Variants in ACVR1C observed in about 807,000 individuals in gnomAD.
The protein encoded by ACVR1C is activin receptor type-1C.
A neutral mutation model predicts 57.9 loss-of-function variants in ACVR1C; 23 were observed. That is an observed-to-expected ratio of 0.40 (90% CI 0.29 to 0.56). The LOEUF (loss-of-function observed/expected upper bound fraction) is 0.56. Ranked by LOEUF, ACVR1C falls within the 20% of genes least tolerant of loss-of-function variation. ACVR1C has a pLI of 0.50. For missense variants in ACVR1C, 480 were observed against 607.9 expected (o/e 0.79, Z 2.21); for synonymous variants, 214 against 215.3 (o/e 0.99, Z 0.05).
At chr2:157,587,048 T>C in intron 2 of ACVR1C, 139 bp downstream of exon 2, 1 of 794,554 alleles carries the variant, frequency 1.3e-6, no homozygotes, top group Non-Finnish European at 1.9e-6. Context: ...TCTAGAGAAT[T>C]TTACCAGCCA....
At chr2:157,607,445 A>T (rs926860696) in intron 1 of ACVR1C, among the ~76,000 whole-genome samples, 1 of 151,474 alleles carries the variant, frequency 6.6e-6, no homozygotes, top group Non-Finnish European at 1.5e-5. Context: ...TGTTTTGGTT[A>T]TCTGGGCTCT....
chr2:157,554,351 AAG>A (rs1241163394), intron 3 of ACVR1C, among the ~76,000 whole-genome samples: 5 of 137,638 alleles, frequency 3.6e-5, no homozygotes, highest in Non-Finnish European at 6.0e-5. Flanking sequence ...GAAAGAAAGA[AAG>A]AGAAAGAAAG....
rs1687302365 is a variant in ACVR1C at position 157,529,162 on chromosome 2, C to T, written c.*4756G>A. On this transcript the variant is annotated 3_prime_UTR_variant, in exon 9 of 9. Coordinates refer to ENST00000243349, the MANE Select transcript of ACVR1C (RefSeq NM_145259.3). ...CACCTTTCACCCCCATTCCAAGGTACAAAGAGAAAGAACAGTCCTTACAGA... is the reference window on the plus strand; with the variant it reads ...CACCTTTCACCCCCATTCCAAGGTATAAAGAGAAAGAACAGTCCTTACAGA... The T allele has an allele frequency of 6.6e-6, 1 of 152,066 alleles. No homozygotes were observed. The highest frequency in any genetic ancestry group is 1.5e-5 in the Non-Finnish European group (1 of 67,994). The allele number at this position is 152,066 out of a possible 1,614,324, so 9.4% of individuals were successfully genotyped here. A position where few individuals can be genotyped will look rare whatever the true frequency, so the allele number is the denominator to read the frequency against.
intron 1 of ACVR1C, among the ~76,000 whole-genome samples, chr2:157,588,406 A>G (rs1688978330): frequency 6.6e-6 from 1 of 152,022 alleles, no homozygotes. Context: ...AAATAGTATA[A>G]TACTAAATAA....
chr2:157,624,167 C>G (rs1682847899), intron 1 of ACVR1C, among the ~76,000 whole-genome samples: 1 of 152,134 alleles, frequency 6.6e-6, no homozygotes, highest in Non-Finnish European at 1.5e-5. Context: ...TAAGCTAGAG[C>G]AGGAACTAAA....
intron 1 of ACVR1C, among the ~76,000 whole-genome samples, chr2:157,625,172 T>C (rs1257338846): frequency 6.6e-6 from 1 of 152,162 alleles, no homozygotes; most frequent in Non-Finnish European, 1.5e-5. Flanking sequence ...ACTCAACATA[T>C]TCAAAACTGA....
At chr2:157,582,275 T>C (rs900097796) in intron 2 of ACVR1C, among the ~76,000 whole-genome samples, 31 of 152,304 alleles carry the variant, frequency 2.0e-4, no homozygotes, top group African/African-American at 7.2e-4. Flanking sequence ...CAGTGAGCCA[T>C]GGAGCAAGAC....
intron 1 of ACVR1C, among the ~76,000 whole-genome samples, chr2:157,616,700 A>G (rs1293530960): frequency 6.6e-6 from 1 of 152,132 alleles, no homozygotes; most frequent in African/African-American, 2.4e-5. Flanking sequence ...GGGTAAAGAG[A>G]GAAGCATGAA....
intron 2 of ACVR1C, among the ~76,000 whole-genome samples, chr2:157,570,458 G>C (rs1350421947): frequency 1.2e-5 from 1 of 80,762 alleles, no homozygotes; most frequent in Non-Finnish European, 2.5e-5. Flanking sequence ...TGTATATCTA[G>C]AAAACCCCAT....
chr2:157,563,824 C>A (rs1179834461), intron 2 of ACVR1C, among the ~76,000 whole-genome samples: 1 of 152,176 alleles, frequency 6.6e-6, no homozygotes, highest in South Asian at 2.1e-4. Flanking sequence ...ACATCTACAA[C>A]CATCTGATCT....
At chr2:157,566,345 T>C (rs1337030188) in intron 2 of ACVR1C, among the ~76,000 whole-genome samples, 5 of 152,034 alleles carry the variant, frequency 3.3e-5, no homozygotes, top group African/African-American at 4.8e-5. Context: ...TGCTAGCTAG[T>C]GGGAATGTGG....
chr2:157,557,028 C>A (rs1688121335), intron 2 of ACVR1C, among the ~76,000 whole-genome samples: 1 of 152,132 alleles, frequency 6.6e-6, no homozygotes, highest in African/African-American at 2.4e-5. Context: ...TGGGCTCTTG[C>A]AATGTGTTGC....
chr2:157,579,158 C>T (rs969207761), intron 2 of ACVR1C, among the ~76,000 whole-genome samples: 8 of 152,078 alleles, frequency 5.3e-5, no homozygotes, highest in Non-Finnish European at 8.8e-5. Flanking sequence ...TGGGGAAGGG[C>T]GTTCTTCTCA....
chr2:157,536,927 A>C (rs1687502792), intron 8 of ACVR1C, among the ~76,000 whole-genome samples: 2 of 152,182 alleles, frequency 1.3e-5, no homozygotes. Flanking sequence ...TTAACACTGG[A>C]AAATCTATAA....
At chr2:157,534,140 C>CTT (rs879333768) in intron 8 of ACVR1C, 97 bp from the exon 9 acceptor site, 563 of 838,640 alleles carry the variant, frequency 6.7e-4, no homozygotes, top group South Asian at 7.8e-4. Flanking sequence ...TGATGCTAAG[C>CTT]TTTTTTTTTT....
rs1051703713 is a variant in ACVR1C at position 157,528,474 on chromosome 2, A to T, written c.*5444T>A. The T allele has an allele frequency of 6.6e-6, 1 of 152,308 alleles. No homozygotes were observed. Among genetic ancestry groups the T allele is most frequent in the South Asian group, 2.1e-4 (1 of 4,828 alleles). The allele number at this position is 152,308 out of a possible 1,614,324, so 9.4% of individuals were successfully genotyped here. ...TGAAATACAGCTCATATTCTCTCGA[A>T]TGTATTCATCTACAACTGAAAGAGA... On this transcript the variant is annotated 3_prime_UTR_variant, in exon 9 of 9. Transcript: ENST00000243349.
chr2:157,613,403 T>C (rs1165917515), intron 1 of ACVR1C, among the ~76,000 whole-genome samples: 2 of 152,204 alleles, frequency 1.3e-5, no homozygotes, highest in African/African-American at 4.8e-5. Flanking sequence ...ACTGTATTGG[T>C]TTTTTATTTG....
At position 157,533,296 on chromosome 2, in the gene ACVR1C, C is replaced by T. The variant is rs1163903673; in HGVS notation, c.*622G>A. ...AATGAAAGGAACAAGTTTAGTGGTTCAGGGACTGCTGCAGTAGTGGATTAT... is the reference window on the plus strand; with the variant it reads ...AATGAAAGGAACAAGTTTAGTGGTTTAGGGACTGCTGCAGTAGTGGATTAT... On this transcript the variant is annotated 3_prime_UTR_variant, in exon 9 of 9. Transcript: ENST00000243349. The T allele has an allele frequency of 6.6e-6, 1 of 152,128 alleles. No individual in the cohort carries two copies. The allele number at this position is 152,128 out of a possible 1,614,324, so 9.4% of individuals were successfully genotyped here.
intron 2 of ACVR1C, among the ~76,000 whole-genome samples, chr2:157,580,781 G>A (rs1453349820): frequency 6.6e-6 from 1 of 152,012 alleles, no homozygotes; most frequent in East Asian, 1.9e-4. Context: ...ACGAGGCTGG[G>A]AAATAAAATA....
Sources: gnomAD v4.1 joint callset for allele counts (sites outside exome capture counted in the v4.1 genomes callset) on GRCh38, gnomAD v4.1.1 for gene constraint, MANE v1.5 for transcripts, NCBI Gene and HGNC (gene_info 2026-07-23, HGNC 2026-07-21) for gene names.